Variants in ST8SIA1 observed in about 807,000 individuals in gnomAD.
ST8SIA1 encodes the protein ST8 alpha-N-acetyl-neuraminide alpha-2,8-sialyltransferase 1, also known as alpha-N-acetylneuraminide alpha-2,8-sialyltransferase.
ST8SIA1 carries 16 observed loss-of-function variants against 35.9 expected under a neutral mutation model. The ratio of observed to expected loss-of-function variants is 0.45; its 90% CI spans 0.30 to 0.68. The LOEUF (loss-of-function observed/expected upper bound fraction) is 0.68, where lower values mean the gene tolerates loss of function less well. ST8SIA1 is among the 30% of genes least tolerant of loss of function. ST8SIA1 has a pLI of 0.09. For synonymous variants in ST8SIA1, 170 were observed against 169.6 expected (o/e 1.00, Z -0.02); for missense variants, 383 against 453.6 (o/e 0.84, Z 1.41).
chr12:22,327,699 A>G (rs1866699688), intron 1 of ST8SIA1, among the ~76,000 whole-genome samples: 1 of 152,198 alleles, frequency 6.6e-6, no homozygotes, highest in Non-Finnish European at 1.5e-5. Flanking sequence ...AACAGCTGTT[A>G]TATTACTTTC....
intron 4 of ST8SIA1, among the ~76,000 whole-genome samples, chr12:22,231,072 G>A (rs2120693673): frequency 6.7e-6 from 1 of 150,246 alleles, no homozygotes; most frequent in Non-Finnish European, 1.5e-5. Context: ...AAATAAGTGA[G>A]CATGAGTATT....
At chr12:22,202,571 A>G (rs954311921) in intron 4 of ST8SIA1, among the ~76,000 whole-genome samples, 8 of 152,228 alleles carry the variant, frequency 5.3e-5, no homozygotes, top group Non-Finnish European at 1.2e-4. Context: ...TTACAAAATG[A>G]TGCAGGGAGT....
At chr12:22,303,194 G>T (rs918688738) in intron 1 of ST8SIA1, among the ~76,000 whole-genome samples, 1 of 152,210 alleles carries the variant, frequency 6.6e-6, no homozygotes, top group African/African-American at 2.4e-5. Flanking sequence ...CTTGGTACCA[G>T]CTAGAGGTAG....
At chr12:22,285,266 G>T (rs1866084115) in intron 2 of ST8SIA1, among the ~76,000 whole-genome samples, 3 of 152,154 alleles carry the variant, frequency 2.0e-5, no homozygotes, top group Admixed American at 1.3e-4. Flanking sequence ...AGCAGTTGTG[G>T]CCACACTAAC....
intron 2 of ST8SIA1, among the ~76,000 whole-genome samples, chr12:22,278,108 T>G (rs1182096282): frequency 6.6e-6 from 1 of 152,184 alleles, no homozygotes; most frequent in Non-Finnish European, 1.5e-5. Flanking sequence ...TCATGAAAAT[T>G]TCAGGAAAGC....
At chr12:22,269,345 A>G (rs1335620565) in intron 2 of ST8SIA1, among the ~76,000 whole-genome samples, 1 of 152,182 alleles carries the variant, frequency 6.6e-6, no homozygotes, top group Admixed American at 6.5e-5. Context: ...TTCTTTTCAA[A>G]ATAACATTAA....
At chr12:22,247,361 G>A (rs1273436112) in intron 4 of ST8SIA1, among the ~76,000 whole-genome samples, 1 of 151,988 alleles carries the variant, frequency 6.6e-6, no homozygotes, top group East Asian at 1.9e-4. Flanking sequence ...TCACCTTTGG[G>A]GGAAACTGGG....
chr12:22,208,434 T>A (rs2120627042), intron 4 of ST8SIA1, among the ~76,000 whole-genome samples: 1 of 152,140 alleles, frequency 6.6e-6, no homozygotes, highest in South Asian at 2.1e-4. Context: ...ATTAAAATAA[T>A]ACAATAAAAC....
intron 2 of ST8SIA1, among the ~76,000 whole-genome samples, chr12:22,283,268 T>C (rs1282856584): frequency 6.6e-6 from 1 of 152,232 alleles, no homozygotes; most frequent in Admixed American, 6.5e-5. Flanking sequence ...CGTGTTTTTA[T>C]AATACCAAAA....
chr12:22,270,997 A>G (rs1011277259), intron 2 of ST8SIA1, among the ~76,000 whole-genome samples: 1 of 152,152 alleles, frequency 6.6e-6, no homozygotes, highest in Non-Finnish European at 1.5e-5. Flanking sequence ...TGCACCTACC[A>G]TGTCACTTGC....
At chr12:22,313,697 C>T (rs957698088) in intron 1 of ST8SIA1, among the ~76,000 whole-genome samples, 3 of 152,106 alleles carry the variant, frequency 2.0e-5, no homozygotes, top group Admixed American at 6.5e-5. Context: ...CCAATTTTTA[C>T]GCTAATGATT....
chr12:22,320,947 AAGAAAGAAAGAG>A (rs1359174059), intron 1 of ST8SIA1, among the ~76,000 whole-genome samples: 5 of 63,072 alleles, frequency 7.9e-5, no homozygotes, highest in African/African-American at 3.6e-4. Context: ...GAAAGAAAGA[AAGAAAGAAAGAG>A]AAAGAAAGAA....
chr12:22,207,675 T>C (rs1272472691), intron 4 of ST8SIA1, among the ~76,000 whole-genome samples: 1 of 152,108 alleles, frequency 6.6e-6, no homozygotes, highest in Non-Finnish European at 1.5e-5. Context: ...ACAATTTATA[T>C]TGACCAAGTT....
chr12:22,333,588 G>A (rs1297645052), intron 1 of ST8SIA1, among the ~76,000 whole-genome samples: 1 of 152,172 alleles, frequency 6.6e-6, no homozygotes, highest in East Asian at 1.9e-4. Context: ...ACTCCACCTC[G>A]GGGAGATGCC....
intron 2 of ST8SIA1, among the ~76,000 whole-genome samples, chr12:22,279,353 C>T (rs139416856): frequency 1.9e-4 from 29 of 152,290 alleles, no homozygotes; most frequent in African/African-American, 7.0e-4. Context: ...CCTCCCAGCC[C>T]ATACCAAGTT....
intron 1 of ST8SIA1, among the ~76,000 whole-genome samples, chr12:22,330,843 T>C (rs1216212340): frequency 1.3e-5 from 2 of 152,156 alleles, no homozygotes; most frequent in Non-Finnish European, 2.9e-5. Flanking sequence ...GAGGAGCAAA[T>C]GAAATGGGTG....
At chr12:22,209,164 T>C (rs1865148623) in intron 4 of ST8SIA1, among the ~76,000 whole-genome samples, 1 of 152,068 alleles carries the variant, frequency 6.6e-6, no homozygotes, top group Admixed American at 6.6e-5. Context: ...AGCAGCAGAT[T>C]GGGATGAAAA....
rs367982369 is a variant in ST8SIA1 at position 22,209,025 on chromosome 12, T to C, written c.585-6987A>G. On this transcript the variant is annotated intron_variant, in intron 4 of 4. Coordinates refer to ENST00000396037, the MANE Select transcript of ST8SIA1 (RefSeq NM_003034.4). Reference sequence around the variant, plus strand: ...AATTAAAAGAAAATAGGAGAAAATATCTTTAAGACCTTTAGGACACAAAAG... The same window carrying C: ...AATTAAAAGAAAATAGGAGAAAATACCTTTAAGACCTTTAGGACACAAAAG... Among the ~76,000 whole-genome samples the C allele has an allele frequency of 2.7e-4, 41 of 152,180 alleles. No individual in the cohort carries two copies. In the East Asian group the frequency reaches 5.0e-3, roughly 19 times the overall value.
chr12:22,267,469 A>G (rs1011045527), intron 2 of ST8SIA1, among the ~76,000 whole-genome samples: 2 of 152,184 alleles, frequency 1.3e-5, no homozygotes, highest in Admixed American at 6.5e-5. Flanking sequence ...CCCCAATTTA[A>G]TAAAATGTAT....
Sources: gnomAD v4.1 joint callset for allele counts (sites outside exome capture counted in the v4.1 genomes callset) on GRCh38, gnomAD v4.1.1 for gene constraint, MANE v1.5 for transcripts, NCBI Gene and HGNC (gene_info 2026-07-23, HGNC 2026-07-21) for gene names.